Variants in FAM185A observed in about 807,000 individuals in gnomAD.
FAM185A encodes protein FAM185A.
A neutral mutation model predicts 45.7 loss-of-function variants in FAM185A; 21 were observed. The ratio of observed to expected loss-of-function variants is 0.46; its 90% confidence interval spans 0.33 to 0.66. The LOEUF is 0.66. FAM185A is among the 30% of genes least tolerant of loss of function. The pLI is 0.03. For missense variants in FAM185A, 305 were observed against 485.4 expected, an observed-to-expected ratio of 0.63 and a Z score of 3.49; for synonymous variants, 117 against 194.0, an observed-to-expected ratio of 0.60 and a Z score of 3.30.
the FAM185A span, among the ~76,000 whole-genome samples, chr7:102,816,578 T>C: frequency 6.6e-6 from 1 of 152,142 alleles, no homozygotes; most frequent in Non-Finnish European, 1.5e-5. Flanking sequence ...TTCTTTATCA[T>C]AGCATCCTAT....
the FAM185A span, among the ~76,000 whole-genome samples, chr7:102,826,169 G>A: frequency 6.6e-6 from 1 of 151,982 alleles, no homozygotes; most frequent in Non-Finnish European, 1.5e-5. Flanking sequence ...TGTTTTGATT[G>A]TGTGAGAAGT....
chr7:102,813,031 T>TG (rs1797541262), downstream of FAM185A, among the ~76,000 whole-genome samples: 1 of 151,932 alleles, frequency 6.6e-6, no homozygotes, highest in Non-Finnish European at 1.5e-5. Flanking sequence ...TTAGTAAAGA[T>TG]GGGGTTTCAC....
chr7:102,786,224 C>T (rs1426267965), intron 6 of FAM185A, among the ~76,000 whole-genome samples: 2 of 152,222 alleles, frequency 1.3e-5, no homozygotes, highest in East Asian at 1.9e-4. Context: ...CACTTTTACA[C>T]TGTTGGGTGG....
At chr7:102,791,537 G>A (rs995677319) in intron 7 of FAM185A, among the ~76,000 whole-genome samples, 9 of 152,130 alleles carry the variant, frequency 5.9e-5, no homozygotes, top group African/African-American at 1.9e-4. Flanking sequence ...CTTATACTCC[G>A]GCCCCACCTC....
rs1401311542 is a variant in FAM185A, at chr7:102,756,325, CATAT to C, written c.562-1525_562-1522del. Among the ~76,000 whole-genome samples the C allele has an allele frequency of 2.0e-5, 3 of 151,680 alleles. No individual in the cohort carries two copies. The East Asian group carries it at 5.9e-4, about 30-fold the overall frequency. On this transcript the variant is annotated intron_variant, in intron 2 of 7. Transcript: ENST00000413034. ...TCTCTTTATGTAATAAAACTAAAGA[CATAT>C]ATAATGATTAAGGGAAAATAAACTA... is the stretch of plus-strand genomic sequence containing the variant.
chr7:102,794,471 A>G (rs1449624148), intron 7 of FAM185A, among the ~76,000 whole-genome samples: 1 of 152,240 alleles, frequency 6.6e-6, no homozygotes, highest in African/African-American at 2.4e-5. Flanking sequence ...CTACATACTT[A>G]CTAGAATGGC....
intron 3 of FAM185A, among the ~76,000 whole-genome samples, chr7:102,760,103 C>T (rs1794019595): frequency 6.6e-6 from 1 of 152,076 alleles, no homozygotes; most frequent in Admixed American, 6.6e-5. Flanking sequence ...AAACCCATTT[C>T]GTCTATTTGG....
At chr7:102,834,969 T>C in the FAM185A span, among the ~76,000 whole-genome samples, 4 of 151,684 alleles carry the variant, frequency 2.6e-5, no homozygotes, top group East Asian at 7.8e-4. Flanking sequence ...TATTTGTCAG[T>C]TAAAAATTTT....
At chr7:102,845,047 C>T in the FAM185A span, among the ~76,000 whole-genome samples, 8 of 152,218 alleles carry the variant, frequency 5.3e-5, no homozygotes, top group East Asian at 1.9e-4. Flanking sequence ...TGGATGTGTT[C>T]GCCAACCTGG....
the FAM185A span, among the ~76,000 whole-genome samples, chr7:102,839,335 A>T: frequency 2.0e-5 from 3 of 152,238 alleles, no homozygotes; most frequent in Non-Finnish European, 2.9e-5. Context: ...TCAATAAATA[A>T]TGAGGGAACT....
downstream of FAM185A, chr7:102,813,524 C>A: frequency 6.2e-7 from 1 of 1,613,700 alleles, no homozygotes; most frequent in Non-Finnish European, 8.5e-7. Context: ...ATTCTTTGAG[C>A]TGCCTTCCTG....
chr7:102,823,271 T>C, the FAM185A span, among the ~76,000 whole-genome samples: 1 of 152,168 alleles, frequency 6.6e-6, no homozygotes, highest in Non-Finnish European at 1.5e-5. Context: ...AAAACATATG[T>C]TTAATAACAT....
At chr7:102,817,022 G>A in the FAM185A span, among the ~76,000 whole-genome samples, 1 of 152,176 alleles carries the variant, frequency 6.6e-6, no homozygotes, top group Non-Finnish European at 1.5e-5. Flanking sequence ...CAGGCACTTA[G>A]GTTGATCCCA....
the FAM185A span, among the ~76,000 whole-genome samples, chr7:102,834,885 TG>T: frequency 2.7e-5 from 3 of 109,420 alleles, no homozygotes; most frequent in African/African-American, 4.3e-5. Context: ...ACAATGTGTG[TG>T]TGTGTGTGTG....
chr7:102,773,972 C>T (rs1381741285), intron 5 of FAM185A, among the ~76,000 whole-genome samples: 1 of 151,994 alleles, frequency 6.6e-6, no homozygotes, highest in Non-Finnish European at 1.5e-5. Flanking sequence ...TTAAGGATTA[C>T]TTTGGATATA....
At chr7:102,818,055 G>T in the FAM185A span, among the ~76,000 whole-genome samples, 1 of 152,178 alleles carries the variant, frequency 6.6e-6, no homozygotes, top group Non-Finnish European at 1.5e-5. Context: ...GGGATTCAGG[G>T]TTAGCCCTGT....
At chr7:102,825,272 G>A in the FAM185A span, among the ~76,000 whole-genome samples, 3 of 152,120 alleles carry the variant, frequency 2.0e-5, no homozygotes, top group Non-Finnish European at 2.9e-5. Flanking sequence ...AGAGGTAATC[G>A]GGTCATGAAG....
chr7:102,805,484 G>A (rs1797056131), intron 7 of FAM185A, among the ~76,000 whole-genome samples: 1 of 151,916 alleles, frequency 6.6e-6, no homozygotes, highest in South Asian at 2.1e-4. Context: ...TAAGCTATGA[G>A]GACGCAAAGG....
intron 5 of FAM185A, among the ~76,000 whole-genome samples, chr7:102,776,707 A>AAAAAAAC (rs1415084080): frequency 4.0e-5 from 6 of 150,982 alleles, no homozygotes; most frequent in Non-Finnish European, 8.9e-5. Context: ...GTCTCTAAAA[A>AAAAAAAC]AAAAAAAAAA....
Sources: gnomAD v4.1 joint callset for allele counts (sites outside exome capture counted in the v4.1 genomes callset) on GRCh38, gnomAD v4.1.1 for gene constraint, MANE v1.5 for transcripts, NCBI Gene and HGNC (gene_info 2026-07-23, HGNC 2026-07-21) for gene names.